FAM110C: variants seen among roughly 807,000 people sequenced by gnomAD.
The protein encoded by FAM110C is family with sequence similarity 110 member C, also known as protein FAM110C.
FAM110C carries 19 observed loss-of-function variants against 15.7 expected under a neutral mutation model. The observed-to-expected ratio is 1.21, with a 90% CI of 0.85 to 1.78. FAM110C has a LOEUF of 1.78. Among genes scored for constraint, FAM110C ranks in the 40% most tolerant of loss-of-function variants. FAM110C has a pLI of 0.00. For synonymous variants in FAM110C, 275 were observed against 233.9 expected (o/e 1.18, Z -1.61); for missense variants, 547 against 495.7 (o/e 1.10, Z -0.98).
rs866104773 is a variant in FAM110C at position 41,396 on chromosome 2, C to T, written c.*212G>A. The T allele has an allele frequency of 5.4e-5, 25 of 461,012 alleles. No individual in the cohort carries two copies. The Middle Eastern group carries it at 1.8e-3, about 34-fold the overall frequency. 28.6% of individuals were successfully genotyped at this position (461,012 alleles called of 1,614,324 possible). A position where few individuals can be genotyped will look rare whatever the true frequency, so the allele number is the denominator to read the frequency against. On this transcript the variant is annotated 3_prime_UTR_variant, in exon 2 of 2. Transcript: ENST00000327669. Reference sequence around the variant, plus strand: ...CTAGTTTCACCTCAAACAAGGAAGACACCTCTTGGAGTTTCAGCTGTTACA... The same window carrying T: ...CTAGTTTCACCTCAAACAAGGAAGATACCTCTTGGAGTTTCAGCTGTTACA...
At chr2:42,810 T>G (rs1293018776) in intron 1 of FAM110C, 2 of 984,912 alleles carry the variant, frequency 2.0e-6, no homozygotes, top group Non-Finnish European at 1.2e-6. Flanking sequence ...AAAACCTACC[T>G]TTGTTCGTCT....
Position 41,228 on chromosome 2 carries a change from ATGCTTG to A in FAM110C, c.*374_*379del. 1 of 201,750 alleles carries A rather than the reference ATGCTTG, an allele frequency of 5.0e-6. No individual in the cohort carries two copies. Among genetic ancestry groups the A allele is most frequent in the Non-Finnish European group, 9.9e-6 (1 of 100,884 alleles). The allele number at this position is 201,750 out of a possible 1,614,324, so 12.5% of individuals were successfully genotyped here. ...AAAAGGGGCACATACCATAGCATTC[ATGCTTG>A]GTTTTTATTTTCCTTGATTTAAAAA... is the stretch of plus-strand genomic sequence containing the variant. On this transcript the variant is annotated 3_prime_UTR_variant, in exon 2 of 2. Transcript: ENST00000327669.
chr2:39,765 C>A lies in FAM110C; in HGVS notation c.*1843G>T, dbSNP rs1470210585. 6.6e-6 allele frequency: 1 copy of A among 152,174 alleles called. No homozygotes were observed. The highest frequency in any genetic ancestry group is 1.5e-5 in the Non-Finnish European group (1 of 68,038). The allele number at this position is 152,174 out of a possible 1,614,324, so 9.4% of individuals were successfully genotyped here. On this transcript the variant is annotated 3_prime_UTR_variant, in exon 2 of 2. Coordinates refer to ENST00000327669, the MANE Select transcript of FAM110C (RefSeq NM_001077710.3). ...CCAGGCTGCATCCATCCTGTTCTGA[C>A]AGTAGAAAGGCATACACACTTTTAC...
intron 1 of FAM110C, chr2:42,351 T>C: frequency 1.0e-6 from 1 of 975,124 alleles, no homozygotes; most frequent in Non-Finnish European, 1.2e-6. Context: ...AAGCAATGTT[T>C]TATGCCTAAT....
chr2:46,411 G>A lies in FAM110C; in HGVS notation c.-26C>T, dbSNP rs181260447. 4.1e-4 allele frequency: 522 copies of A among 1,261,010 alleles called. 3 individuals carry two copies. In the African/African-American group the frequency reaches 7.4e-3, roughly 18 times the overall value. The allele number at this position is 1,261,010 out of a possible 1,614,324, so 78.1% of individuals were successfully genotyped here. A position where few individuals can be genotyped will look rare whatever the true frequency, so the allele number is the denominator to read the frequency against. ...CTTCGCGGGGAATGGACCGACCGGG[G>A]TTCCGGGTCCAGCGGAGACGCGCTC... On this transcript the variant is annotated 5_prime_UTR_variant, in exon 1 of 2. Coordinates refer to ENST00000327669, the MANE Select transcript of FAM110C (RefSeq NM_001077710.3).
At chr2:42,174 G>C (rs757960880) in intron 1 of FAM110C, 312 of 985,416 alleles carry the variant, frequency 3.2e-4, no homozygotes, top group Admixed American at 1.7e-3. Flanking sequence ...GAAAGGAAAA[G>C]AAAGCTGGAT....
At chr2:41,658 A>G in intron 1 of FAM110C, 31 bp from the exon 2 acceptor site, 3 of 1,612,460 alleles carry the variant, frequency 1.9e-6, no homozygotes, top group Non-Finnish European at 2.5e-6. Context: ...TAGTGAATCA[A>G]CTCCAGTCTA....
rs777398991 is a variant in FAM110C, at chr2:45,997, G to A, written c.389C>T (p.Pro130Leu). The stretch of plus-strand genomic sequence containing the variant: ...GGGCACCGGCGCCTTGTCCTTACCC[G>A]GCCCCTGGAAGAGCTTCTTCACCAG... ...ASLVKKLFQGPGKDKAPVPRT... is the reference protein window; with the variant it reads ...ASLVKKLFQGLGKDKAPVPRT... Residue 130 changes from proline to leucine, a missense_variant, in exon 1 of 2, where the codon CCG (proline) becomes CTG (leucine). Transcript: ENST00000327669. 1.0e-5 allele frequency: 15 copies of A among 1,468,480 alleles called. No homozygotes were observed. The African/African-American group carries it at 1.0e-4, about 10-fold the overall frequency. The allele number at this position is 1,468,480 out of a possible 1,614,324, so 91.0% of individuals were successfully genotyped here.
chr2:45,481 T>G lies in FAM110C; in HGVS notation c.905A>C (p.Lys302Thr), dbSNP rs1285369446. The G allele has an allele frequency of 1.2e-6, 2 of 1,613,836 alleles. No homozygotes were observed. Among genetic ancestry groups the G allele is most frequent in the East Asian group, 4.5e-5 (2 of 44,858 alleles). Residue 302 changes from lysine (K) to threonine (T), a missense_variant, in exon 1 of 2, where the codon AAG becomes ACG. Coordinates refer to ENST00000327669, the MANE Select transcript of FAM110C (RefSeq NM_001077710.3). Reference protein sequence around the residue: ...RIIKWLYTCKKAKETPSQEQS... With the variant: ...RIIKWLYTCKTAKETPSQEQS... Reference sequence around the variant, plus strand: ...CTCCTGGCTGGGGGTCTCCTTGGCCTTCTTACAGGTGTACAGCCACTTGAT... The same window carrying G: ...CTCCTGGCTGGGGGTCTCCTTGGCCGTCTTACAGGTGTACAGCCACTTGAT...
In FAM110C at chr2:40,711, C is replaced by T. The variant is rs974107076; in HGVS notation, c.*897G>A. On this transcript the variant is annotated 3_prime_UTR_variant, in exon 2 of 2. Transcript: ENST00000327669. Reference sequence around the variant, plus strand: ...GGGAAGAGGTCCTGCCTCAGATGCCCGTGTTCTGTGTAAACCAAAGTTTTC... The same window carrying T: ...GGGAAGAGGTCCTGCCTCAGATGCCTGTGTTCTGTGTAAACCAAAGTTTTC... The T allele has an allele frequency of 3.3e-5, 5 of 152,140 alleles. No individual in the cohort carries two copies. Among genetic ancestry groups the T allele is most frequent in the Non-Finnish European group, 7.3e-5 (5 of 68,030 alleles). The allele number at this position is 152,140 out of a possible 1,614,324, so 9.4% of individuals were successfully genotyped here.
In FAM110C at chr2:46,435, T is replaced by A; in HGVS notation, c.-50A>T. The A allele has an allele frequency of 8.1e-7, 1 of 1,237,586 alleles. No homozygotes were observed. The highest frequency in any genetic ancestry group is 1.0e-6 in the Non-Finnish European group (1 of 983,248). 76.7% of individuals were successfully genotyped at this position (1,237,586 alleles called of 1,614,324 possible). On this transcript the variant is annotated 5_prime_UTR_variant, in exon 1 of 2. Transcript: ENST00000327669. ...GGTTCCGGGTCCAGCGGAGACGCGC[T>A]CGAGTGGTAGAGCCAGTCAGTCCCA...
Position 40,858 on chromosome 2 carries a change from G to T in FAM110C, c.*750C>A, listed in dbSNP as rs1054610408. 1 of 152,188 alleles carries T rather than the reference G, an allele frequency of 6.6e-6. No homozygotes were observed. The highest frequency in any genetic ancestry group is 1.5e-5 in the Non-Finnish European group (1 of 68,032). 9.4% of individuals were successfully genotyped at this position (152,188 alleles called of 1,614,324 possible). ...CCAAGATTCTTCCGCTAACTCTCCA[G>T]AAACTGTCCAGTTGCAATAAAAGGT... On this transcript the variant is annotated 3_prime_UTR_variant, in exon 2 of 2. Transcript: ENST00000327669.
rs1171362078 is a variant in FAM110C at position 46,264 on chromosome 2, G to A, written c.122C>T (p.Ala41Val). 9.2e-6 allele frequency: 13 copies of A among 1,409,704 alleles called. No homozygotes were observed. Among genetic ancestry groups the A allele is most frequent in the East Asian group, 3.1e-5 (1 of 32,692 alleles). 87.3% of individuals were successfully genotyped at this position (1,409,704 alleles called of 1,614,324 possible). ...PARRSAVERL[A>V]ADRAKYVRGR... ...CCGCACATACTTGGCGCGATCCGCCGCCAGCCTCTCCACTGCGCTCCTGCG... is the reference window on the plus strand; with the variant it reads ...CCGCACATACTTGGCGCGATCCGCCACCAGCCTCTCCACTGCGCTCCTGCG... Residue 41 changes from alanine (A) to valine (V), a missense_variant, in exon 1 of 2, where the codon GCG (alanine) becomes GTG (valine). Ala to Val is a moderately conservative substitution (Grantham distance 64). Transcript: ENST00000327669.
chr2:43,800 A>G (rs1486732275), intron 1 of FAM110C: 1 of 985,282 alleles, frequency 1.0e-6, no homozygotes, highest in Non-Finnish European at 1.2e-6. Context: ...TTATTCATAA[A>G]TTTACTTCTC....
rs940800324 is a variant in FAM110C at position 46,300 on chromosome 2, G to A, written c.86C>T (p.Ala29Val). ...CACTGCGCTCCTGCGCGCCGGCCGC[G>A]CGGCGTCGGGGTCCCGGGTAGCCGC... Reference protein sequence around the residue: ...DPAATRDPDAARPARRSAVER... With the variant: ...DPAATRDPDAVRPARRSAVER... Residue 29 changes from alanine to valine, a missense_variant, in exon 1 of 2, where the codon GCG (alanine) becomes GTG (valine). Ala to Val is a moderately conservative substitution (Grantham distance 64). Coordinates refer to ENST00000327669, the MANE Select transcript of FAM110C (RefSeq NM_001077710.3). The A allele has an allele frequency of 2.5e-5, 33 of 1,338,226 alleles. No individual in the cohort carries two copies. In the Admixed American group the frequency reaches 1.1e-3, roughly 43 times the overall value. 82.9% of individuals were successfully genotyped at this position (1,338,226 alleles called of 1,614,324 possible). A position where few individuals can be genotyped will look rare whatever the true frequency, so the allele number is the denominator to read the frequency against.
At position 41,536 on chromosome 2, in the gene FAM110C, G is replaced by T; in HGVS notation, c.*72C>A. ...ATTCCTGGTAAAACAGCAATCATGT[G>T]GTCACCTAGGCACACTAGCCAAATG... On this transcript the variant is annotated 3_prime_UTR_variant, in exon 2 of 2. Coordinates refer to ENST00000327669, the MANE Select transcript of FAM110C (RefSeq NM_001077710.3). 4 of 1,546,004 alleles carry T rather than the reference G, an allele frequency of 2.6e-6. No homozygotes were observed. Among genetic ancestry groups the T allele is most frequent in the Non-Finnish European group, 3.5e-6 (4 of 1,130,484 alleles).
rs146700799 is a variant in FAM110C at position 40,629 on chromosome 2, G to T, written c.*979C>A. 1 of 152,282 alleles carries T rather than the reference G, an allele frequency of 6.6e-6. No homozygotes were observed. The highest frequency in any genetic ancestry group is 2.4e-5 in the African/African-American group (1 of 41,548). The allele number at this position is 152,282 out of a possible 1,614,324, so 9.4% of individuals were successfully genotyped here. A position where few individuals can be genotyped will look rare whatever the true frequency, so the allele number is the denominator to read the frequency against. ...GCCCTTTGCAGAAAAGAGTGAATTGGTGTCAAATTTGGGTTGATTACGTCA... is the reference window on the plus strand; with the variant it reads ...GCCCTTTGCAGAAAAGAGTGAATTGTTGTCAAATTTGGGTTGATTACGTCA... On this transcript the variant is annotated 3_prime_UTR_variant, in exon 2 of 2. Transcript: ENST00000327669.
At chr2:45,066 T>C (rs1664237179) in intron 1 of FAM110C, 1 of 985,428 alleles carries the variant, frequency 1.0e-6, no homozygotes, top group African/African-American at 1.7e-5. Flanking sequence ...GCTCTCAAGC[T>C]GTTTTCAGCT....
rs982110828 is a variant in FAM110C at position 46,293 on chromosome 2, C to T, written c.93G>A (p.Pro31=). 2.2e-6 allele frequency: 3 copies of T among 1,344,734 alleles called. No homozygotes were observed. The highest frequency in any genetic ancestry group is 1.5e-5 in the African/African-American group (1 of 65,364). The allele number at this position is 1,344,734 out of a possible 1,614,324, so 83.3% of individuals were successfully genotyped here. A position where few individuals can be genotyped will look rare whatever the true frequency, so the allele number is the denominator to read the frequency against. ...AATRDPDAAR[P]ARRSAVERLA... is the part of the protein sequence containing the mutation. ...GCCTCTCCACTGCGCTCCTGCGCGC[C>T]GGCCGCGCGGCGTCGGGGTCCCGGG... The change falls in exon 1 of 2, where the codon CCG becomes CCA. Residue 31 remains proline (P), a synonymous_variant. Coordinates refer to ENST00000327669, the MANE Select transcript of FAM110C (RefSeq NM_001077710.3).
Sources: allele counts gnomAD v4.1 joint callset, GRCh38; gene constraint gnomAD v4.1.1; transcripts MANE v1.5; gene names NCBI Gene and HGNC (gene_info 2026-07-23, HGNC 2026-07-21).